LGR4: variants seen among roughly 807,000 people sequenced by gnomAD.
LGR4 encodes leucine-rich repeat-containing G protein-coupled receptor 4.
LGR4 carries 44 observed loss-of-function variants against 84.8 expected under a neutral mutation model. The ratio of observed to expected loss-of-function variants is 0.52; its 90% CI spans 0.41 to 0.67. The LOEUF (loss-of-function observed/expected upper bound fraction) is 0.67. Ranked by LOEUF, LGR4 falls within the 30% of genes least tolerant of loss-of-function variation. The pLI is 0.00. For synonymous variants in LGR4, 429 were observed against 434.3 expected (o/e 0.99, Z 0.15); for missense variants, 1,032 against 1,131.4 (o/e 0.91, Z 1.26).
At chr11:27,370,553 A>G (rs1276323593) in intron 17 of LGR4, among the ~76,000 whole-genome samples, 2 of 152,214 alleles carry the variant, frequency 1.3e-5, no homozygotes, top group East Asian at 1.9e-4. Context: ...TTCTGCAGCA[A>G]GCACATCAGT....
intron 1 of LGR4, among the ~76,000 whole-genome samples, chr11:27,424,120 T>C (rs987795272): frequency 1.3e-5 from 2 of 151,714 alleles, no homozygotes; most frequent in Admixed American, 6.6e-5. Context: ...GAGAAACAAA[T>C]GTCTTAGAAA....
At position 27,374,035 on chromosome 11, in the gene LGR4, C is replaced by T. The variant is rs773272289; in HGVS notation, c.1193G>A (p.Arg398Lys). The T allele has an allele frequency of 6.2e-7, 1 of 1,609,056 alleles. No homozygotes were observed. The highest frequency in any genetic ancestry group is 2.2e-5 in the East Asian group (1 of 44,778). Residue 398 changes from arginine to lysine, a missense_variant, in exon 14 of 18, where the codon AGA becomes AAA. Physicochemically the swap from Arg to Lys is conservative, Grantham distance 26. Coordinates refer to ENST00000379214, the MANE Select transcript of LGR4 (RefSeq NM_018490.5). ...ACTGTGAATTTCATGTATCAGGTTT[C>T]TACTCAGATCTCTGCAATTATAAGA... Reference protein sequence around the residue: ...LISLRILDLSRNLIHEIHSRA... With the variant: ...LISLRILDLSKNLIHEIHSRA...
At chr11:27,380,524 C>A (rs1863072009) in intron 9 of LGR4, 116 bp downstream of exon 9, 3 of 828,436 alleles carry the variant, frequency 3.6e-6, no homozygotes, top group East Asian at 2.6e-5. Context: ...AAATTCTGCC[C>A]AAGGGAGAAA....
At position 27,472,749 on chromosome 11, in the gene LGR4, C is replaced by G; in HGVS notation, c.-447G>C. ...GGCTCGCTGTCTCCCAGCCGCGGCT[C>G]AATCTCTTCCCGTCCTTTTCCCTTC... is the stretch of plus-strand genomic sequence containing the variant. On this transcript the variant is annotated 5_prime_UTR_variant, in exon 1 of 18. Coordinates refer to ENST00000379214, the MANE Select transcript of LGR4 (RefSeq NM_018490.5). The G allele has an allele frequency of 2.8e-6, 1 of 353,358 alleles. No individual in the cohort carries two copies. Among genetic ancestry groups the G allele is most frequent in the East Asian group, 4.2e-5 (1 of 23,846 alleles). The allele number at this position is 353,358 out of a possible 1,614,324, so 21.9% of individuals were successfully genotyped here.
chr11:27,425,127 G>A (rs143740825), intron 1 of LGR4, among the ~76,000 whole-genome samples: 194 of 152,144 alleles, frequency 1.3e-3, no homozygotes, highest in African/African-American at 4.6e-3. Flanking sequence ...ATGTGGAGTC[G>A]GCTTTTGAAC....
chr11:27,454,632 G>A (rs181852018), intron 1 of LGR4, among the ~76,000 whole-genome samples: 1 of 152,098 alleles, frequency 6.6e-6, no homozygotes, highest in Non-Finnish European at 1.5e-5. Context: ...GTGGTGGCAT[G>A]CACCTGTAAT....
chr11:27,467,757 G>C (rs907324982), intron 1 of LGR4, among the ~76,000 whole-genome samples: 7 of 152,122 alleles, frequency 4.6e-5, no homozygotes. Context: ...CCCTATGCCT[G>C]GCAGAATATT....
chr11:27,464,582 T>A (rs200350716), intron 1 of LGR4, among the ~76,000 whole-genome samples: 1 of 152,116 alleles, frequency 6.6e-6, no homozygotes, highest in Non-Finnish European at 1.5e-5. Context: ...AAGAGCTACA[T>A]AAGGAACCTC....
intron 4 of LGR4, among the ~76,000 whole-genome samples, chr11:27,390,672 C>T (rs180954029): frequency 3.3e-5 from 5 of 152,098 alleles, no homozygotes; most frequent in Middle Eastern, 3.4e-3. Context: ...TCATTTTTTC[C>T]GAGAAGTTCC....
chr11:27,451,390 C>G (rs1373656874), intron 1 of LGR4, among the ~76,000 whole-genome samples: 1 of 152,154 alleles, frequency 6.6e-6, no homozygotes, highest in Non-Finnish European at 1.5e-5. Flanking sequence ...GCTTACTGAG[C>G]AACCAAGTTG....
At position 27,445,007 on chromosome 11, in the gene LGR4, A is replaced by T. The variant is rs116532823; in HGVS notation, c.185+27111T>A. On this transcript the variant is annotated intron_variant, in intron 1 of 17. Coordinates refer to ENST00000379214, the MANE Select transcript of LGR4 (RefSeq NM_018490.5). ...CAATCCATCAAGTGGAATGTGCTCC[A>T]CTATTCTCTTGTAAATGTGCTTATT... Among the ~76,000 whole-genome samples the T allele has an allele frequency of 3.6e-3, 542 of 152,304 alleles. 2 individuals are homozygous for T. Among genetic ancestry groups the T allele is most frequent in the African/African-American group, 0.013 (520 of 41,552 alleles).
At chr11:27,394,356 TC>T (rs1364697892) in intron 2 of LGR4, among the ~76,000 whole-genome samples, 5 of 152,192 alleles carry the variant, frequency 3.3e-5, no homozygotes, top group African/African-American at 1.2e-4. Context: ...TCCTCTTGGT[TC>T]TAGACTAGCC....
chr11:27,439,122 A>T (rs1864258285), intron 1 of LGR4, among the ~76,000 whole-genome samples: 1 of 152,110 alleles, frequency 6.6e-6, no homozygotes, highest in Non-Finnish European at 1.5e-5. Flanking sequence ...TACCATTTTA[A>T]ATGTACAGTT....
rs138489466 is a variant in LGR4, at chr11:27,390,583, C to T, written c.401+511G>A. The stretch of plus-strand genomic sequence containing the variant: ...GTCCCATTGCATTTGGTATTTAGGA[C>T]ATGAAGTGAGGCAATGCAAATTTGT... On this transcript the variant is annotated intron_variant, in intron 4 of 17. Coordinates refer to ENST00000379214, the MANE Select transcript of LGR4 (RefSeq NM_018490.5). Among the ~76,000 whole-genome samples the T allele has an allele frequency of 9.2e-5, 14 of 152,214 alleles. No individual in the cohort carries two copies. In the East Asian group the frequency reaches 2.7e-3, roughly 29 times the overall value.
At chr11:27,372,865 T>C (rs1455940535) in intron 15 of LGR4, 1 of 128,838 alleles carries the variant, frequency 7.8e-6, no homozygotes, top group Non-Finnish European at 1.7e-5. Flanking sequence ...TAATATTCTC[T>C]CTCTTTTTTT....
chr11:27,472,743 G>A lies in LGR4; in HGVS notation c.-441C>T. The A allele has an allele frequency of 2.8e-6, 1 of 355,026 alleles. No homozygotes were observed. Among genetic ancestry groups the A allele is most frequent in the Non-Finnish European group, 5.0e-6 (1 of 198,594 alleles). 22.0% of individuals were successfully genotyped at this position (355,026 alleles called of 1,614,324 possible). ...GACTCTGGCTCGCTGTCTCCCAGCC[G>A]CGGCTCAATCTCTTCCCGTCCTTTT... On this transcript the variant is annotated 5_prime_UTR_variant, in exon 1 of 18. Coordinates refer to ENST00000379214, the MANE Select transcript of LGR4 (RefSeq NM_018490.5).
chr11:27,411,384 A>G (rs981208406), intron 2 of LGR4, among the ~76,000 whole-genome samples: 2 of 151,870 alleles, frequency 1.3e-5, no homozygotes, highest in Admixed American at 6.6e-5. Context: ...AATGTTCACT[A>G]TAAGAAAAAA....
intron 2 of LGR4, among the ~76,000 whole-genome samples, chr11:27,393,046 T>C (rs1379389879): frequency 1.3e-5 from 2 of 152,192 alleles, no homozygotes; most frequent in African/African-American, 2.4e-5. Context: ...ATGGCCTATA[T>C]ATTTTTTTCT....
At chr11:27,378,864 T>A in intron 10 of LGR4, 96 bp from the exon 11 acceptor site, 2 of 808,306 alleles carry the variant, frequency 2.5e-6, no homozygotes, top group Non-Finnish European at 4.1e-6. Flanking sequence ...TATTTACATA[T>A]GGACTAGATT....
Sources: gnomAD v4.1 joint callset for allele counts (sites outside exome capture counted in the v4.1 genomes callset) on GRCh38, gnomAD v4.1.1 for gene constraint, MANE v1.5 for transcripts, NCBI Gene and HGNC (gene_info 2026-07-23, HGNC 2026-07-21) for gene names.